Variants in ADGRB3 observed in about 807,000 individuals in gnomAD.
ADGRB3 encodes the protein brain-specific angiogenesis inhibitor 3.
A neutral mutation model predicts 193.4 loss-of-function variants in ADGRB3; 37 were observed. That is an observed-to-expected ratio of 0.19 (90% CI 0.15 to 0.25). ADGRB3 has a LOEUF of 0.25. Ranked by LOEUF, ADGRB3 falls within the 10% of genes least tolerant of loss-of-function variation. The pLI is 1.00. For synonymous variants in ADGRB3, 690 were observed against 644.2 expected (o/e 1.07, Z -1.08); for missense variants, 1,637 against 1,852.9 (o/e 0.88, Z 2.14).
chr6:69,094,753 A>T (rs1772822065), intron 17 of ADGRB3, among the ~76,000 whole-genome samples: 1 of 152,222 alleles, frequency 6.6e-6, no homozygotes, highest in Non-Finnish European at 1.5e-5. Flanking sequence ...TAAAATCTCT[A>T]GTCAGATAAT....
intron 17 of ADGRB3, among the ~76,000 whole-genome samples, chr6:69,165,212 C>T (rs1373869358): frequency 6.6e-6 from 1 of 152,004 alleles, no homozygotes; most frequent in Non-Finnish European, 1.5e-5. Flanking sequence ...AGGCTTCGAA[C>T]ATTCTCCCCC....
In ADGRB3 at chr6:68,837,145, C is replaced by T. The variant is rs573638579; in HGVS notation, c.758-93414C>T. Among the ~76,000 whole-genome samples the T allele has an allele frequency of 6.6e-5, 10 of 152,252 alleles. No homozygotes were observed. In the South Asian group the frequency reaches 2.1e-3, roughly 32 times the overall value. On this transcript the variant is annotated intron_variant, in intron 3 of 31. Transcript: ENST00000370598. ...CATGCACACCCCAAACCAGGAACTG[C>T]ATACAAAACAAAAACTAAAGAGCTT...
chr6:69,181,312 T>G (rs890597708), intron 17 of ADGRB3, among the ~76,000 whole-genome samples: 1 of 152,222 alleles, frequency 6.6e-6, no homozygotes, highest in Non-Finnish European at 1.5e-5. Flanking sequence ...GTTAATGTTT[T>G]AATCATGATC....
intron 3 of ADGRB3, among the ~76,000 whole-genome samples, chr6:68,803,426 G>T (rs528518725): frequency 6.6e-6 from 1 of 152,122 alleles, no homozygotes; most frequent in Admixed American, 6.5e-5. Flanking sequence ...AAACCAGCCT[G>T]TTAACTGTAT....
intron 15 of ADGRB3, among the ~76,000 whole-genome samples, chr6:69,059,172 C>A (rs1471285283): frequency 6.6e-6 from 1 of 151,984 alleles, no homozygotes; most frequent in Non-Finnish European, 1.5e-5. Context: ...AATTGTTATA[C>A]CTCCCCAGAG....
chr6:69,100,798 GAAAA>G, intron 17 of ADGRB3, among the ~76,000 whole-genome samples: 1 of 131,042 alleles, frequency 7.6e-6, no homozygotes, highest in East Asian at 2.3e-4. Context: ...TAGACGGAAG[GAAAA>G]AAAAGACAAA....
chr6:68,912,515 C>T (rs1306724091), intron 3 of ADGRB3, among the ~76,000 whole-genome samples: 1 of 151,996 alleles, frequency 6.6e-6, no homozygotes, highest in African/African-American at 2.4e-5. Flanking sequence ...CTATCCCTCC[C>T]CGCTCCCTCC....
chr6:68,888,552 C>CACAA (rs1266699067), intron 3 of ADGRB3, among the ~76,000 whole-genome samples: 48 of 150,750 alleles, frequency 3.2e-4, no homozygotes, highest in Non-Finnish European at 4.4e-4. Flanking sequence ...TACACACACA[C>CACAA]ACACACACAC....
At chr6:68,656,445 T>C (rs1460586114) in intron 3 of ADGRB3, among the ~76,000 whole-genome samples, 1 of 151,524 alleles carries the variant, frequency 6.6e-6, no homozygotes, top group Non-Finnish European at 1.5e-5. Flanking sequence ...CTGGATTATA[T>C]GGAAAGTGTA....
chr6:69,274,493 C>T (rs1288816475), intron 20 of ADGRB3, among the ~76,000 whole-genome samples: 1 of 145,412 alleles, frequency 6.9e-6, no homozygotes, highest in East Asian at 2.0e-4. Context: ...CCCTCCCTCC[C>T]TCCCTTTCTT....
intron 8 of ADGRB3, among the ~76,000 whole-genome samples, chr6:68,973,111 A>G (rs1435019609): frequency 6.6e-6 from 1 of 152,234 alleles, no homozygotes; most frequent in Non-Finnish European, 1.5e-5. Context: ...ATATATTTAC[A>G]TATACTCAGA....
intron 17 of ADGRB3, among the ~76,000 whole-genome samples, chr6:69,081,588 G>T (rs559347794): frequency 6.6e-6 from 1 of 151,848 alleles, no homozygotes; most frequent in African/African-American, 2.4e-5. Context: ...ATTATTTTTT[G>T]AAGTTTTTTC....
intron 23 of ADGRB3, chr6:69,332,335 G>A (rs752304346): frequency 7.1e-5 from 70 of 985,308 alleles, no homozygotes; most frequent in Non-Finnish European, 8.4e-5. Context: ...ATTGGCACTA[G>A]TGTCCATTGT....
chr6:68,775,837 T>C (rs1317809100), intron 3 of ADGRB3, among the ~76,000 whole-genome samples: 1 of 152,160 alleles, frequency 6.6e-6, no homozygotes, highest in Non-Finnish European at 1.5e-5. Context: ...GTATTTTTCT[T>C]TTTCTTTGTC....
chr6:69,069,578 A>AG (rs1772014308), intron 16 of ADGRB3, among the ~76,000 whole-genome samples: 1 of 134,194 alleles, frequency 7.5e-6, no homozygotes, highest in African/African-American at 2.7e-5. Context: ...AAAAAAAAAA[A>AG]AAATTATCCG....
intron 17 of ADGRB3, among the ~76,000 whole-genome samples, chr6:69,095,051 TC>T (rs1329510421): frequency 6.6e-6 from 1 of 152,210 alleles, no homozygotes; most frequent in African/African-American, 2.4e-5. Context: ...ACAATTTGAA[TC>T]CCTCTTGAGT....
intron 3 of ADGRB3, among the ~76,000 whole-genome samples, chr6:68,781,044 G>T (rs932793189): frequency 1.9e-4 from 29 of 152,066 alleles, no homozygotes; most frequent in Non-Finnish European, 3.7e-4. Context: ...ATTTTGTTTT[G>T]TTTTATCCTC....
At chr6:68,748,053 G>T (rs938733697) in intron 3 of ADGRB3, among the ~76,000 whole-genome samples, 9 of 152,130 alleles carry the variant, frequency 5.9e-5, no homozygotes, top group African/African-American at 2.2e-4. Context: ...GCATGGAAAA[G>T]ACTGGCCTCC....
intron 10 of ADGRB3, among the ~76,000 whole-genome samples, chr6:68,977,372 G>A (rs1463741822): frequency 1.3e-5 from 2 of 151,668 alleles, no homozygotes; most frequent in Non-Finnish European, 2.9e-5. Context: ...GTTCAGTCGT[G>A]GTGATGAATG....
Sources: allele counts gnomAD v4.1 joint callset (sites outside exome capture counted in the v4.1 genomes callset), GRCh38; gene constraint gnomAD v4.1.1; transcripts MANE v1.5; gene names NCBI Gene and HGNC (gene_info 2026-07-23, HGNC 2026-07-21).